ZNF318: variants seen among roughly 807,000 people sequenced by gnomAD.
ZNF318 encodes the protein zinc finger protein 318.
ZNF318 carries 51 observed loss-of-function variants against 124.2 expected under a neutral mutation model. The observed-to-expected ratio is 0.41, with a 90% CI of 0.33 to 0.52. ZNF318 has a LOEUF of 0.52. Ranked by LOEUF, ZNF318 falls within the 20% of genes least tolerant of loss-of-function variation. The pLI is 0.23. For synonymous variants in ZNF318, 1,090 were observed against 1,040.7 expected (o/e 1.05, Z -0.91); for missense variants, 2,815 against 2,811.2 (o/e 1.00, Z -0.03).
At position 43,342,749 on chromosome 6, in the gene ZNF318, C is replaced by T; in HGVS notation, c.3203G>A (p.Cys1068Tyr). Reference protein sequence around the residue: ...YEYYDAGNHWCKDCNTICGTM... With the variant: ...YEYYDAGNHWYKDCNTICGTM... ...CCCACAGATGGTGTTGCAGTCTTTG[C>T]ACCAGTGATTGCCAGCATCATAATA... The change falls in exon 7 of 10, where the codon TGC becomes TAC. Residue 1068 changes from cysteine (C) to tyrosine (Y), a missense_variant. Cys to Tyr is a radical substitution (Grantham distance 194, BLOSUM62 -2). This residue lies in a region of ZNF318 where 500 missense variants were observed against 605.2 expected (regional missense o/e 0.83). Coordinates refer to ENST00000361428, the MANE Select transcript of ZNF318 (RefSeq NM_014345.3). The T allele has an allele frequency of 6.2e-7, 1 of 1,614,226 alleles. No individual in the cohort carries two copies. Among genetic ancestry groups the T allele is most frequent in the Non-Finnish European group, 8.5e-7 (1 of 1,180,034 alleles).
At position 43,357,479 on chromosome 6, in the gene ZNF318, T is replaced by C; in HGVS notation, c.835A>G (p.Thr279Ala). 3.1e-6 allele frequency: 5 copies of C among 1,614,216 alleles called. No homozygotes were observed. Among genetic ancestry groups the C allele is most frequent in the Non-Finnish European group, 4.2e-6 (5 of 1,180,036 alleles). ...CCTCCCATGCTGTTTATCTTCACTGTGTCATCATAACGGGGTCTTTTGGCC... is the reference window on the plus strand; with the variant it reads ...CCTCCCATGCTGTTTATCTTCACTGCGTCATCATAACGGGGTCTTTTGGCC... Reference protein sequence around the residue: ...REAKRPRYDDTVKINSMGGDH... With the variant: ...REAKRPRYDDAVKINSMGGDH... Residue 279 changes from threonine (T) to alanine (A), a missense_variant, in exon 3 of 10, where the codon ACA (threonine) becomes GCA (alanine). This residue lies in a region of ZNF318 where 1,377 missense variants were observed against 1,353.5 expected (regional missense o/e 1.02). Transcript: ENST00000361428.
rs566655422 is a variant in ZNF318 at position 43,341,030 on chromosome 6, T to C, written c.3377-122A>G. 1.4e-5 allele frequency: 10 copies of C among 704,118 alleles called. No individual in the cohort carries two copies. The South Asian group carries it at 1.7e-4, about 12-fold the overall frequency. The allele number at this position is 704,118 out of a possible 1,614,324, so 43.6% of individuals were successfully genotyped here. A position where few individuals can be genotyped will look rare whatever the true frequency, so the allele number is the denominator to read the frequency against. The stretch of plus-strand genomic sequence containing the variant: ...TACAGTATAGAGGGCCTTACCCACT[T>C]TGAAGTCAGAAGCAGTATTTAGATG... On this transcript the variant is annotated intron_variant, in intron 8 of 9. Coordinates refer to ENST00000361428, the MANE Select transcript of ZNF318 (RefSeq NM_014345.3).
In ZNF318 at chr6:43,347,027, T is replaced by C. The variant is rs550512092; in HGVS notation, c.3072+1297A>G. ...GTTAAGAAGGAAAATTACAAGATAT[T>C]ATGGGAGTGTATATCAGGCAAATTT... On this transcript the variant is annotated intron_variant, in intron 6 of 9. Transcript: ENST00000361428. Among the ~76,000 whole-genome samples the C allele has an allele frequency of 3.3e-5, 5 of 152,218 alleles. No homozygotes were observed. In the South Asian group the frequency reaches 1.0e-3, roughly 32 times the overall value.
At position 43,340,416 on chromosome 6, in the gene ZNF318, C is replaced by T; in HGVS notation, c.3582G>A (p.Arg1194=). The T allele has an allele frequency of 6.2e-7, 1 of 1,614,130 alleles. No homozygotes were observed. The highest frequency in any genetic ancestry group is 8.5e-7 in the Non-Finnish European group (1 of 1,180,034). ...AGLAVVLETE[R]RRQSELKRKL... is the part of the protein sequence containing the mutation. ...TGCGCTTTAGCTCACTCTGCCGTCG[C>T]CGTTCTGTCTCTAGGACCACAGCCA... The change falls in exon 10 of 10, where the codon CGG becomes CGA. Residue 1194 remains arginine, a synonymous_variant. Coordinates refer to ENST00000361428, the MANE Select transcript of ZNF318 (RefSeq NM_014345.3).
Position 43,340,217 on chromosome 6 carries a change from C to A in ZNF318, c.3781G>T (p.Glu1261Ter), listed in dbSNP as rs758394893. Residue 1261 changes from glutamate to a stop codon, truncating the protein, a stop_gained, in exon 10 of 10, where the codon GAA (glutamate) becomes TAA (stop). Coordinates refer to ENST00000361428, the MANE Select transcript of ZNF318 (RefSeq NM_014345.3). LOFTEE classifies it high-confidence loss of function. ...RNTGIKLQLKEEVKKESPTSS... is the reference protein window; with the variant it reads ...RNTGIKLQLK The stretch of plus-strand genomic sequence containing the variant: ...GTTGGTGATTCCTTCTTTACCTCTT[C>A]TTTTAACTGGAGTTTGATGCCAGTG... The A allele has an allele frequency of 6.2e-7, 1 of 1,614,166 alleles. No individual in the cohort carries two copies. Among genetic ancestry groups the A allele is most frequent in the Non-Finnish European group, 8.5e-7 (1 of 1,180,020 alleles).
In ZNF318 at chr6:43,338,554, T is replaced by G. The variant is rs776229089; in HGVS notation, c.5444A>C (p.Asn1815Thr). ...TACTTCTCCCTCCCACATGTATCTG[T>G]TTCCATGGTTCAAATTAGAATCATC... is the stretch of plus-strand genomic sequence containing the variant. The part of the protein sequence containing the change: ...SIDDSNLNHG[N>T]RYMWEGEVKQ... The change falls in exon 10 of 10, where the codon AAC becomes ACC. Residue 1815 changes from asparagine to threonine, a missense_variant. By Grantham distance (65) the Asn-to-Thr change is moderately conservative. Around this residue, in one of 4 missense-constraint regions of ZNF318, gnomAD observed 927 missense variants for 820.6 expected, o/e 1.13. Coordinates refer to ENST00000361428, the MANE Select transcript of ZNF318 (RefSeq NM_014345.3). 6.2e-7 allele frequency: 1 copy of G among 1,614,194 alleles called. No homozygotes were observed. The highest frequency in any genetic ancestry group is 2.2e-5 in the East Asian group (1 of 44,888).
chr6:43,338,721 C>T lies in ZNF318; in HGVS notation c.5277G>A (p.Lys1759=), dbSNP rs1275886091. ...IHLRESVNQD[K]ESQELRKSED... ...CAGATTTACGGAGCTCTTGGCTTTCCTTATCCTGGTTAACAGATTCTCTGA... is the reference window on the plus strand; with the variant it reads ...CAGATTTACGGAGCTCTTGGCTTTCTTTATCCTGGTTAACAGATTCTCTGA... Residue 1759 remains lysine, a synonymous_variant, in exon 10 of 10, where the codon AAG becomes AAA. Coordinates refer to ENST00000361428, the MANE Select transcript of ZNF318 (RefSeq NM_014345.3). 1 of 1,614,148 alleles carries T rather than the reference C, an allele frequency of 6.2e-7. No homozygotes were observed. Among genetic ancestry groups the T allele is most frequent in the Admixed American group, 1.7e-5 (1 of 60,020 alleles).
At chr6:43,344,773 A>T (rs1239872034) in intron 6 of ZNF318, among the ~76,000 whole-genome samples, 1 of 152,162 alleles carries the variant, frequency 6.6e-6, no homozygotes, top group South Asian at 2.1e-4. Flanking sequence ...TGACCAATAC[A>T]TATTTGTTAA....
chr6:43,365,651 T>C (rs1779751165), intron 1 of ZNF318, among the ~76,000 whole-genome samples: 1 of 152,040 alleles, frequency 6.6e-6, no homozygotes, highest in Admixed American at 6.5e-5. Context: ...AAGTTTAAAA[T>C]TAGCCAGGTG....
chr6:43,350,411 TGAA>T (rs1779509644), intron 5 of ZNF318, among the ~76,000 whole-genome samples: 1 of 152,146 alleles, frequency 6.6e-6, no homozygotes, highest in African/African-American at 2.4e-5. Flanking sequence ...ACTTATCAAA[TGAA>T]GAATCCATGA....
At chr6:43,342,545 T>G in intron 7 of ZNF318, 131 bp downstream of exon 7, 1 of 961,930 alleles carries the variant, frequency 1.0e-6, no homozygotes, top group South Asian at 1.6e-5. Flanking sequence ...TTGGTGTCTC[T>G]TGGCTCTTCA....
rs768756474 is a variant in ZNF318 at position 43,348,329 on chromosome 6, TGGA to T, written c.3064_3066del (p.Ser1022del). The T allele has an allele frequency of 6.2e-7, 1 of 1,602,882 alleles. No homozygotes were observed. Among genetic ancestry groups the T allele is most frequent in the Non-Finnish European group, 8.5e-7 (1 of 1,175,514 alleles). ...TGGAAAAATTGAGTTGTTACCTTGT[TGGA>T]GGAGGAGTTTGAGAACGATGACACT... On this transcript the variant is annotated inframe_deletion, in exon 6 of 10. Coordinates refer to ENST00000361428, the MANE Select transcript of ZNF318 (RefSeq NM_014345.3).
intron 7 of ZNF318, 21 bp downstream of exon 7, chr6:43,342,655 A>G: frequency 6.2e-7 from 1 of 1,612,832 alleles, no homozygotes; most frequent in South Asian, 1.1e-5. Context: ...GAGTGAAAAT[A>G]ACAGAGAGTA....
chr6:43,340,048 G>A lies in ZNF318; in HGVS notation c.3950C>T (p.Ala1317Val), dbSNP rs1779349853. 1 of 1,614,056 alleles carries A rather than the reference G, an allele frequency of 6.2e-7. No homozygotes were observed. Among genetic ancestry groups the A allele is most frequent in the Admixed American group, 1.7e-5 (1 of 59,996 alleles). Reference protein sequence around the residue: ...KEDGKTEAGKAKPIKIKLSGK... With the variant: ...KEDGKTEAGKVKPIKIKLSGK... ...AGAGAGCTTGATTTTGATAGGCTTT[G>A]CCTTCCCAGCTTCAGTTTTGCCATC... Residue 1317 changes from alanine to valine, a missense_variant, in exon 10 of 10, where the codon GCA becomes GTA. Physicochemically the swap from Ala to Val is moderately conservative, Grantham distance 64. Around this residue, in one of 4 missense-constraint regions of ZNF318, gnomAD observed 500 missense variants for 605.2 expected, o/e 0.83. Coordinates refer to ENST00000361428, the MANE Select transcript of ZNF318 (RefSeq NM_014345.3).
chr6:43,340,526 T>G, intron 9 of ZNF318, 24 bp from the exon 10 acceptor site: 1 of 1,559,364 alleles, frequency 6.4e-7, no homozygotes, highest in Non-Finnish European at 8.6e-7. Context: ...AGATAAAGAC[T>G]CAAAAACTGG....
intron 2 of ZNF318, 69 bp downstream of exon 2, chr6:43,365,223 A>T (rs1280670209): frequency 2.0e-6 from 3 of 1,529,564 alleles, no homozygotes; most frequent in Admixed American, 3.7e-5. Flanking sequence ...CAAATATATC[A>T]TTCGGAAAAC....
rs1329149748 is a variant in ZNF318 at position 43,340,587 on chromosome 6, T to A, written c.3496-85A>T. The A allele has an allele frequency of 4.0e-6, 6 of 1,493,766 alleles. No homozygotes were observed. The African/African-American group carries it at 7.1e-5, about 18-fold the overall frequency. The allele number at this position is 1,493,766 out of a possible 1,614,324, so 92.5% of individuals were successfully genotyped here. On this transcript the variant is annotated intron_variant, in intron 9 of 9. Transcript: ENST00000361428. ...GGCCCCGCTACTGTTAGAATTCATT[T>A]AGTAGAAATCCCCAGAATTATCTTC... is the stretch of plus-strand genomic sequence containing the variant.
At chr6:43,352,622 A>G in intron 4 of ZNF318, 146 bp from the exon 5 acceptor site, 1 of 686,748 alleles carries the variant, frequency 1.5e-6, no homozygotes, top group Non-Finnish European at 2.4e-6. Context: ...TGTCAAAGTA[A>G]TATTTCGTTC....
At chr6:43,362,201 C>T (rs1369983858) in intron 2 of ZNF318, among the ~76,000 whole-genome samples, 3 of 152,034 alleles carry the variant, frequency 2.0e-5, no homozygotes, top group East Asian at 1.9e-4. Context: ...GTGGCTCACA[C>T]CTGTAATCCC....
Sources: allele counts gnomAD v4.1 joint callset (sites outside exome capture counted in the v4.1 genomes callset), GRCh38; gene constraint gnomAD v4.1.1; regional missense constraint gnomAD v4.1.1; transcripts MANE v1.5; gene names NCBI Gene and HGNC (gene_info 2026-07-23, HGNC 2026-07-21).